MSRA: variants seen among roughly 807,000 people sequenced by gnomAD.
MSRA encodes methionine sulfoxide reductase A.
A neutral mutation model predicts 31.3 loss-of-function variants in MSRA; 54 were observed. The observed-to-expected ratio is 1.73, with a 90% CI of 1.39 to 2.17. MSRA has a LOEUF of 2.17. Ranked by LOEUF, MSRA falls within the 30% of genes most tolerant of loss-of-function variation. MSRA has a pLI of 0.00. For synonymous variants in MSRA, 169 were observed against 116.5 expected (o/e 1.45, Z -2.90); for missense variants, 507 against 300.9 (o/e 1.69, Z -5.07).
intron 1 of MSRA, among the ~76,000 whole-genome samples, chr8:10,174,527 A>G (rs1050006221): frequency 1.3e-5 from 2 of 150,016 alleles, no homozygotes; most frequent in African/African-American, 4.9e-5. Flanking sequence ...TTCCCAGCTC[A>G]CCTCCCCTCT....
intron 1 of MSRA, among the ~76,000 whole-genome samples, chr8:10,149,517 T>C (rs1474031006): frequency 1.3e-5 from 2 of 152,178 alleles, no homozygotes; most frequent in East Asian, 3.9e-4. Context: ...CGCACCTTAT[T>C]ACAACTTACA....
At chr8:10,225,118 C>T (rs1268966172) in intron 2 of MSRA, among the ~76,000 whole-genome samples, 4 of 152,216 alleles carry the variant, frequency 2.6e-5, no homozygotes, top group South Asian at 2.1e-4. Flanking sequence ...ACCTGGGTGA[C>T]GGAGTGAGAC....
chr8:10,100,758 A>G (rs1407662327), intron 1 of MSRA, among the ~76,000 whole-genome samples: 1 of 152,156 alleles, frequency 6.6e-6, no homozygotes, highest in Admixed American at 6.6e-5. Context: ...GCAAGCAGAA[A>G]GTGAAAAATG....
Position 10,369,516 on chromosome 8 carries a change from A to G in MSRA, c.543+49527A>G, listed in dbSNP as rs138973821. ...TGTCACACCCAGTGAAGACTTTGTC[A>G]TCTTTTGACCTTTAGTTGTCTTTTG... On this transcript the variant is annotated intron_variant, in intron 5 of 5. Transcript: ENST00000317173. 3.9e-5 allele frequency among the ~76,000 whole-genome samples: 6 copies of G among 152,346 alleles called. No homozygotes were observed. The East Asian group carries it at 1.2e-3, about 29-fold the overall frequency.
intron 2 of MSRA, among the ~76,000 whole-genome samples, chr8:10,214,352 A>G (rs1050891078): frequency 2.0e-4 from 30 of 152,144 alleles, no homozygotes; most frequent in Non-Finnish European, 2.2e-4. Context: ...TGAACCAATC[A>G]CAAGAAATCG....
intron 4 of MSRA, among the ~76,000 whole-genome samples, chr8:10,306,732 A>T (rs1459162469): frequency 6.6e-6 from 1 of 152,074 alleles, no homozygotes; most frequent in Non-Finnish European, 1.5e-5. Flanking sequence ...CACAATTCAG[A>T]CCTCCTAGTC....
intron 5 of MSRA, among the ~76,000 whole-genome samples, chr8:10,407,492 A>G (rs1807891172): frequency 6.6e-6 from 1 of 152,204 alleles, no homozygotes; most frequent in African/African-American, 2.4e-5. Context: ...CTTGCTATGG[A>G]CATTGGATGG....
intron 1 of MSRA, among the ~76,000 whole-genome samples, chr8:10,144,013 C>T (rs940992054): frequency 1.3e-5 from 2 of 152,022 alleles, no homozygotes; most frequent in African/African-American, 4.8e-5. Context: ...TCGTGAGGCT[C>T]GTGGGATGGT....
At chr8:10,356,552 T>C (rs1004236748) in intron 5 of MSRA, among the ~76,000 whole-genome samples, 1 of 152,198 alleles carries the variant, frequency 6.6e-6, no homozygotes, top group East Asian at 1.9e-4. Context: ...AATTCCTTTG[T>C]TGAAATTTTC....
chr8:10,386,854 T>G (rs1806423220), intron 5 of MSRA, among the ~76,000 whole-genome samples: 1 of 148,446 alleles, frequency 6.7e-6, no homozygotes, highest in African/African-American at 2.5e-5. Context: ...AGGAGACTCT[T>G]CTTCAGAGTG....
intron 1 of MSRA, among the ~76,000 whole-genome samples, chr8:10,198,512 A>T (rs953694352): frequency 1.2e-4 from 19 of 152,192 alleles, no homozygotes; most frequent in African/African-American, 4.1e-4. Flanking sequence ...TATTTTAAAC[A>T]GTTCTGTTGT....
chr8:10,119,351 T>A (rs1331382129), intron 1 of MSRA, among the ~76,000 whole-genome samples: 1 of 152,200 alleles, frequency 6.6e-6, no homozygotes, highest in Non-Finnish European at 1.5e-5. Context: ...ATCCTGCTAT[T>A]TGAATCTTCT....
At chr8:10,101,309 ATACT>A (rs1264244682) in intron 1 of MSRA, among the ~76,000 whole-genome samples, 8 of 152,224 alleles carry the variant, frequency 5.3e-5, no homozygotes, top group Non-Finnish European at 1.2e-4. Context: ...TATGTAGTAA[ATACT>A]TAATAAATGG....
At chr8:10,189,885 A>G (rs140468189) in intron 1 of MSRA, among the ~76,000 whole-genome samples, 56 of 152,318 alleles carry the variant, frequency 3.7e-4, no homozygotes, top group Middle Eastern at 3.4e-3. Context: ...AGGCGTTTAC[A>G]TAGGATTGAT....
At chr8:10,417,331 G>A (rs951252593) in intron 5 of MSRA, among the ~76,000 whole-genome samples, 30 of 151,900 alleles carry the variant, frequency 2.0e-4, no homozygotes, top group African/African-American at 7.3e-4. Context: ...GACTCACAGG[G>A]GCAATTCCAT....
intron 5 of MSRA, among the ~76,000 whole-genome samples, chr8:10,343,414 G>T (rs4841322): frequency 0.84 from 127,899 of 152,210 alleles, 54,413 homozygotes; most frequent in South Asian, 0.93. Context: ...GTGAATAGTA[G>T]TATTGCAGTT....
At position 10,056,837 on chromosome 8, in the gene MSRA, A is replaced by G. The variant is rs115813886; in HGVS notation, c.142+2179A>G. Among the ~76,000 whole-genome samples the G allele has an allele frequency of 6.6e-3, 1,002 of 152,172 alleles. 16 individuals are homozygous for G. The highest frequency in any genetic ancestry group is 0.022 in the African/African-American group (932 of 41,506). On this transcript the variant is annotated intron_variant, in intron 1 of 5. Coordinates refer to ENST00000317173, the MANE Select transcript of MSRA (RefSeq NM_012331.5). ...TCCCTTCTCTATATTACCTCCATCCATGTCTGTTCTTATTTGTACCCTGAC... is the reference window on the plus strand; with the variant it reads ...TCCCTTCTCTATATTACCTCCATCCGTGTCTGTTCTTATTTGTACCCTGAC...
At chr8:10,421,557 G>T (rs929277110) in intron 5 of MSRA, among the ~76,000 whole-genome samples, 6 of 152,042 alleles carry the variant, frequency 3.9e-5, no homozygotes, top group Admixed American at 6.5e-5. Flanking sequence ...GGAGAATCTC[G>T]GTGATCCTAA....
intron 5 of MSRA, among the ~76,000 whole-genome samples, chr8:10,376,663 A>G (rs1044546791): frequency 1.3e-5 from 2 of 152,182 alleles, no homozygotes; most frequent in Non-Finnish European, 1.5e-5. Context: ...AGGGAATCCT[A>G]TTTTTAACTT....
Sources: allele counts gnomAD v4.1 joint callset (sites outside exome capture counted in the v4.1 genomes callset), GRCh38; gene constraint gnomAD v4.1.1; transcripts MANE v1.5; gene names NCBI Gene and HGNC (gene_info 2026-07-23, HGNC 2026-07-21).